Variants in MTREX observed in about 807,000 individuals in gnomAD.
The protein encoded by MTREX is exosome RNA helicase MTR4.
MTREX carries 76 observed loss-of-function variants against 135.4 expected under a neutral mutation model. The observed-to-expected ratio is 0.56, with a 90% CI of 0.47 to 0.68. The LOEUF (loss-of-function observed/expected upper bound fraction) is 0.68, where lower values mean the gene tolerates loss of function less well. MTREX is among the 30% of genes least tolerant of loss of function. The pLI, the probability that MTREX is intolerant of heterozygous loss-of-function variation, is 0.00. For synonymous variants in MTREX, 404 were observed against 401.6 expected (o/e 1.01, Z -0.07); for missense variants, 920 against 1,262.1 (o/e 0.73, Z 4.11).
At chr5:55,372,423 A>G (rs1229586726) in intron 16 of MTREX, among the ~76,000 whole-genome samples, 1 of 152,170 alleles carries the variant, frequency 6.6e-6, no homozygotes, top group African/African-American at 2.4e-5. Context: ...TAATAACAAT[A>G]CAGTAGCAAT....
intron 25 of MTREX, among the ~76,000 whole-genome samples, chr5:55,420,129 G>C (rs1382897314): frequency 6.8e-6 from 1 of 147,280 alleles, no homozygotes; most frequent in Non-Finnish European, 1.5e-5. Context: ...AATAGTCTCT[G>C]CTCTCAAGAA....
At chr5:55,341,124 G>A (rs142692151) in intron 6 of MTREX, among the ~76,000 whole-genome samples, 26 of 152,140 alleles carry the variant, frequency 1.7e-4, no homozygotes, top group African/African-American at 5.8e-4. Context: ...TCATTTTGTC[G>A]CCTCATGGAA....
chr5:55,402,303 A>C (rs2111594903), intron 21 of MTREX, among the ~76,000 whole-genome samples: 1 of 152,312 alleles, frequency 6.6e-6, no homozygotes, highest in Middle Eastern at 3.4e-3. Context: ...CATTACTTAC[A>C]CAGATATCCA....
At chr5:55,361,102 AAC>A (rs1749999193) in intron 15 of MTREX, among the ~76,000 whole-genome samples, 2 of 152,340 alleles carry the variant, frequency 1.3e-5, no homozygotes, top group South Asian at 4.1e-4. Flanking sequence ...GACATGAGAC[AAC>A]AGTTTGTTCT....
intron 3 of MTREX, 122 bp downstream of exon 3, chr5:55,324,320 T>A: frequency 3.7e-6 from 2 of 541,024 alleles, no homozygotes; most frequent in Non-Finnish European, 3.2e-6. Context: ...ATAGTTTCCA[T>A]GGGGTACCTA....
At chr5:55,367,673 A>T (rs1750127483) in intron 16 of MTREX, among the ~76,000 whole-genome samples, 1 of 152,216 alleles carries the variant, frequency 6.6e-6, no homozygotes, top group Non-Finnish European at 1.5e-5. Context: ...CACAAAAAGT[A>T]AATGTCCTGT....
rs1172819925 is a variant in MTREX at position 55,322,311 on chromosome 5, A to G, written c.135-16A>G. 2 of 1,592,816 alleles carry G rather than the reference A, an allele frequency of 1.3e-6. No individual in the cohort carries two copies. The highest frequency in any genetic ancestry group is 1.7e-6 in the Non-Finnish European group (2 of 1,171,286). ...GTGGATACTGCAGAATTCATTCCAAACTATTTACTTTTCAGGAAACGTTTT... is the reference window on the plus strand; with the variant it reads ...GTGGATACTGCAGAATTCATTCCAAGCTATTTACTTTTCAGGAAACGTTTT... On this transcript the variant is annotated splice_polypyrimidine_tract_variant and intron_variant, in intron 1 of 26. Transcript: ENST00000230640.
chr5:55,359,399 A>G (rs1451340612), intron 15 of MTREX, among the ~76,000 whole-genome samples: 6 of 152,178 alleles, frequency 3.9e-5, no homozygotes, highest in Non-Finnish European at 7.3e-5. Context: ...AGCTACTTCA[A>G]AACATGTTAA....
chr5:55,413,322 C>G (rs1346094612), intron 23 of MTREX, among the ~76,000 whole-genome samples: 1 of 143,756 alleles, frequency 7.0e-6, no homozygotes, highest in Admixed American at 7.2e-5. Context: ...GGCAACAGAG[C>G]GAGACTCTGT....
chr5:55,423,064 G>C (rs1043770154), intron 26 of MTREX, 82 bp downstream of exon 26: 11 of 1,021,050 alleles, frequency 1.1e-5, no homozygotes, highest in Admixed American at 6.2e-5. Flanking sequence ...CAACCTAGGA[G>C]GACGTTTTGA....
chr5:55,408,230 T>C (rs1466402473), intron 22 of MTREX, among the ~76,000 whole-genome samples: 2 of 152,196 alleles, frequency 1.3e-5, no homozygotes, highest in Non-Finnish European at 2.9e-5. Context: ...CCACCCCATA[T>C]CCTGCGATTC....
chr5:55,338,793 T>C lies in MTREX; in HGVS notation c.516-1217T>C, dbSNP rs562003649. On this transcript the variant is annotated intron_variant, in intron 5 of 26. Transcript: ENST00000230640. ...TCTGTAGACTTTCTTTTTCTTTTTTTTTTTTTTTTTTTTTTGAGACACAGT... is the reference window on the plus strand; with the variant it reads ...TCTGTAGACTTTCTTTTTCTTTTTTCTTTTTTTTTTTTTTTGAGACACAGT... 4.1e-3 allele frequency among the ~76,000 whole-genome samples: 571 copies of C among 138,050 alleles called. 6 individuals are homozygous for C. The highest frequency in any genetic ancestry group is 0.015 in the African/African-American group (541 of 35,690). 90.6% of individuals were successfully genotyped at this position (138,050 alleles called of 152,430 possible).
chr5:55,338,796 T>C (rs1749596327), intron 5 of MTREX, among the ~76,000 whole-genome samples: 1 of 140,826 alleles, frequency 7.1e-6, no homozygotes, highest in Admixed American at 7.0e-5. Flanking sequence ...CTTTTTTTTT[T>C]TTTTTTTTTT....
rs185946199 is a variant in MTREX at position 55,376,681 on chromosome 5, A to T, written c.1811-1633A>T. 7.0e-4 allele frequency among the ~76,000 whole-genome samples: 107 copies of T among 152,264 alleles called. No homozygotes were observed. In the East Asian group the frequency reaches 0.018, roughly 26 times the overall value. On this transcript the variant is annotated intron_variant, in intron 16 of 26. Transcript: ENST00000230640. ...AATGTGGAGGACATAGTGCTAGGCT[A>T]CTCTTGCTGCCTAAAATCTAGACCA...
chr5:55,397,872 A>T (rs1750670469), intron 20 of MTREX, among the ~76,000 whole-genome samples: 1 of 152,234 alleles, frequency 6.6e-6, no homozygotes, highest in African/African-American at 2.4e-5. Context: ...GTTAATAAAT[A>T]CATGAAATTG....
chr5:55,414,352 T>C, intron 24 of MTREX, 114 bp downstream of exon 24: 3 of 843,868 alleles, frequency 3.6e-6, no homozygotes, highest in Non-Finnish European at 5.2e-6. Context: ...AGATAACCTA[T>C]AAGGATTAAA....
intron 15 of MTREX, among the ~76,000 whole-genome samples, chr5:55,365,774 G>A (rs569359647): frequency 6.6e-6 from 1 of 152,210 alleles, no homozygotes; most frequent in Non-Finnish European, 1.5e-5. Flanking sequence ...GGTGGGCGGA[G>A]AGGTCAAGAG....
intron 16 of MTREX, 78 bp from the exon 17 acceptor site, chr5:55,378,236 A>AG: frequency 6.9e-7 from 1 of 1,447,702 alleles, no homozygotes; most frequent in Non-Finnish European, 9.1e-7. Context: ...CCAACCTAAT[A>AG]GAAAAAATCC....
intron 16 of MTREX, among the ~76,000 whole-genome samples, chr5:55,374,330 C>T (rs377525755): frequency 3.7e-4 from 56 of 150,316 alleles, no homozygotes; most frequent in Middle Eastern, 3.4e-3. Context: ...CTCTGTTGCC[C>T]AGACTGGAGT....
Sources: allele counts gnomAD v4.1 joint callset (sites outside exome capture counted in the v4.1 genomes callset), GRCh38; gene constraint gnomAD v4.1.1; transcripts MANE v1.5; gene names NCBI Gene and HGNC (gene_info 2026-07-23, HGNC 2026-07-21).